SYT16: variants seen among roughly 807,000 people sequenced by gnomAD.
SYT16 encodes synaptotagmin 16.
SYT16 carries 42 observed loss-of-function variants against 61.4 expected under a neutral mutation model. That is an observed-to-expected ratio of 0.68 (90% CI 0.53 to 0.89). The LOEUF (loss-of-function observed/expected upper bound fraction) is 0.89, where lower values mean the gene tolerates loss of function less well. SYT16 is among the 40% of genes least tolerant of loss of function. SYT16 has a pLI of 0.00. For missense variants in SYT16, 804 were observed against 807.3 expected, an observed-to-expected ratio of 1.00 and a Z score of 0.05; for synonymous variants, 314 against 302.3, an observed-to-expected ratio of 1.04 and a Z score of -0.40.
intron 3 of SYT16, among the ~76,000 whole-genome samples, chr14:62,043,287 G>A (rs919419466): frequency 8.6e-5 from 13 of 151,784 alleles, no homozygotes; most frequent in Non-Finnish European, 1.6e-4. Flanking sequence ...CTAAAGTTTC[G>A]CTATCGACTG....
chr14:61,838,044 A>G lies in SYT16; in HGVS notation c.-325+25234A>G, dbSNP rs374844781. The stretch of plus-strand genomic sequence containing the variant: ...TGACATATTAGATAATGTGTGTTCA[A>G]AGCAAGAATAGGTCAATGTTATGTC... On this transcript the variant is annotated intron_variant, in intron 1 of 7. Transcript: ENST00000683842. Among the ~76,000 whole-genome samples the G allele has an allele frequency of 2.0e-5, 3 of 152,344 alleles. No individual in the cohort carries two copies. The South Asian group carries it at 6.2e-4, about 32-fold the overall frequency.
chr14:61,823,709 G>A (rs1451876650), intron 1 of SYT16, among the ~76,000 whole-genome samples: 3 of 152,226 alleles, frequency 2.0e-5, no homozygotes, highest in Non-Finnish European at 4.4e-5. Flanking sequence ...TTGAGATGGC[G>A]CCACTGCGCT....
At chr14:61,979,966 C>CA (rs1566734655) in intron 2 of SYT16, among the ~76,000 whole-genome samples, 1 of 152,156 alleles carries the variant, frequency 6.6e-6, no homozygotes, top group East Asian at 1.9e-4. Context: ...TTTCAATCCC[C>CA]AATTGTTTTA....
At chr14:61,843,651 T>C (rs2046361113) in intron 1 of SYT16, among the ~76,000 whole-genome samples, 1 of 152,226 alleles carries the variant, frequency 6.6e-6, no homozygotes, top group Non-Finnish European at 1.5e-5. Flanking sequence ...CCACCATTTA[T>C]TGAAGAGACT....
At chr14:61,944,331 G>A (rs1428411338) in intron 1 of SYT16, among the ~76,000 whole-genome samples, 2 of 152,170 alleles carry the variant, frequency 1.3e-5, no homozygotes, top group Non-Finnish European at 1.5e-5. Context: ...TAGATTCAGT[G>A]CTATCCCCAT....
chr14:61,858,120 C>CAAAAAAAAAAAAAAAAAAAAAAAAAAAA (rs34781118), intron 1 of SYT16, among the ~76,000 whole-genome samples: 4 of 43,226 alleles, frequency 9.3e-5, no homozygotes, highest in African/African-American at 1.7e-4. Flanking sequence ...CACAGCTTGG[C>CAAAAAAAAAAAAAAAAAAAAAAAAAAAA]AAAAAAAAAA....
chr14:61,851,494 C>T (rs948654876), intron 1 of SYT16, among the ~76,000 whole-genome samples: 2 of 152,204 alleles, frequency 1.3e-5, no homozygotes, highest in Non-Finnish European at 2.9e-5. Flanking sequence ...ACACTGTCTT[C>T]CACAATGGTT....
At chr14:62,068,858 C>T (rs28576057) in intron 3 of SYT16, among the ~76,000 whole-genome samples, 13,291 of 152,016 alleles carry the variant, frequency 0.087, 642 homozygotes, top group Middle Eastern at 0.11. Flanking sequence ...TGCAGTGGTG[C>T]GATCTCAGCT....
chr14:62,039,982 C>T (rs1011403273), intron 3 of SYT16, among the ~76,000 whole-genome samples: 2 of 151,340 alleles, frequency 1.3e-5, no homozygotes, highest in East Asian at 1.9e-4. Context: ...CTCCAGTTCA[C>T]GGAGGGTGTT....
At chr14:62,058,315 G>A (rs1412274773) in intron 3 of SYT16, among the ~76,000 whole-genome samples, 1 of 148,682 alleles carries the variant, frequency 6.7e-6, no homozygotes, top group Non-Finnish European at 1.5e-5. Context: ...AGGTTATATG[G>A]TCAAATGTAT....
intron 1 of SYT16, among the ~76,000 whole-genome samples, chr14:61,878,621 A>G (rs1202615824): frequency 6.6e-6 from 1 of 152,236 alleles, no homozygotes; most frequent in Admixed American, 6.5e-5. Context: ...AGACATTTCC[A>G]CCATTCATAC....
chr14:61,858,120 CAAAAAAAAAAAA>C (rs34781118), intron 1 of SYT16, among the ~76,000 whole-genome samples: 1 of 43,230 alleles, frequency 2.3e-5, no homozygotes, highest in East Asian at 7.9e-4. Context: ...CACAGCTTGG[CAAAAAAAAAAAA>C]AAAAAAAAAA....
rs967605717 is a variant in SYT16, at chr14:61,826,169, C to T, written c.-325+13359C>T. On this transcript the variant is annotated intron_variant, in intron 1 of 7. Transcript: ENST00000683842. ...GGCAGCTCAGGTGCAAGGTTGGAAC[C>T]AGCCCTGGACAGGATGCCATCCCAT... Among the ~76,000 whole-genome samples the T allele has an allele frequency of 3.9e-5, 6 of 152,154 alleles. No individual in the cohort carries two copies. In the East Asian group the frequency reaches 9.6e-4, roughly 24 times the overall value.
intron 1 of SYT16, among the ~76,000 whole-genome samples, chr14:61,848,358 A>T (rs1176040643): frequency 2.6e-5 from 4 of 152,186 alleles, no homozygotes; most frequent in Non-Finnish European, 5.9e-5. Context: ...AAAATCTGGA[A>T]GAATAATCTG....
intron 1 of SYT16, among the ~76,000 whole-genome samples, chr14:61,903,342 T>C (rs2048588178): frequency 6.6e-6 from 1 of 152,080 alleles, no homozygotes; most frequent in Non-Finnish European, 1.5e-5. Flanking sequence ...AAATGCATGG[T>C]TTCCCCCAGT....
intron 1 of SYT16, among the ~76,000 whole-genome samples, chr14:61,951,698 C>T (rs1024345407): frequency 2.6e-5 from 4 of 152,016 alleles, no homozygotes; most frequent in Non-Finnish European, 5.9e-5. Flanking sequence ...ACCAATCCCC[C>T]AAAATAATGT....
chr14:61,840,872 A>G (rs1158867077), intron 1 of SYT16, among the ~76,000 whole-genome samples: 2 of 152,232 alleles, frequency 1.3e-5, no homozygotes, highest in Non-Finnish European at 2.9e-5. Context: ...CCAATAAAAT[A>G]TCTTATTTTA....
intron 3 of SYT16, among the ~76,000 whole-genome samples, chr14:62,021,014 G>A (rs747611087): frequency 6.6e-6 from 1 of 152,032 alleles, no homozygotes; most frequent in Non-Finnish European, 1.5e-5. Context: ...CCCTGCTCAT[G>A]GTTTTATTCT....
At chr14:61,876,430 T>C (rs2047496653) in intron 1 of SYT16, among the ~76,000 whole-genome samples, 1 of 152,222 alleles carries the variant, frequency 6.6e-6, no homozygotes, top group Non-Finnish European at 1.5e-5. Flanking sequence ...GGTGAGTGAC[T>C]CAGTTGTGGA....
Sources: allele counts gnomAD v4.1 joint callset (sites outside exome capture counted in the v4.1 genomes callset), GRCh38; gene constraint gnomAD v4.1.1; transcripts MANE v1.5; gene names NCBI Gene and HGNC (gene_info 2026-07-23, HGNC 2026-07-21).